SLC2A13: variants seen among roughly 807,000 people sequenced by gnomAD.
SLC2A13 encodes the protein proton myo-inositol cotransporter.
In SLC2A13, 32 loss-of-function variants were observed where a neutral mutation model predicts 64.4. That is an observed-to-expected ratio of 0.50 (90% CI 0.37 to 0.67). The LOEUF (loss-of-function observed/expected upper bound fraction) is 0.67. Ranked by LOEUF, SLC2A13 falls within the 30% of genes least tolerant of loss-of-function variation. The pLI is 0.00. For synonymous variants in SLC2A13, 338 were observed against 327.1 expected, an observed-to-expected ratio of 1.03 and a Z score of -0.36; for missense variants, 743 against 829.2, an observed-to-expected ratio of 0.90 and a Z score of 1.28.
Position 39,916,909 on chromosome 12 carries a change from G to C in SLC2A13, c.1034+34348C>G, listed in dbSNP as rs890982497. On this transcript the variant is annotated intron_variant, in intron 4 of 9. Transcript: ENST00000280871. ...TTTCACCATCTTCCCAAACATATAC[G>C]GTGGGGAAAACAGAGCTTCAGTCCT... Among the ~76,000 whole-genome samples, 9 of 151,936 alleles carry C rather than the reference G, an allele frequency of 5.9e-5. 1 individual carries two copies. The highest frequency in any genetic ancestry group is 1.3e-4 in the Admixed American group (2 of 15,248).
chr12:40,049,374 A>C (rs905015301), intron 1 of SLC2A13, among the ~76,000 whole-genome samples: 1 of 152,116 alleles, frequency 6.6e-6, no homozygotes. Flanking sequence ...TGGCAAAAAA[A>C]CAGCTTGTGT....
At chr12:39,880,604 A>G (rs956437801) in intron 4 of SLC2A13, among the ~76,000 whole-genome samples, 1 of 152,238 alleles carries the variant, frequency 6.6e-6, no homozygotes, top group Admixed American at 6.5e-5. Flanking sequence ...CATTTAATAT[A>G]TTAGAAAATA....
intron 6 of SLC2A13, among the ~76,000 whole-genome samples, chr12:39,847,220 T>G (rs1490450235): frequency 1.3e-5 from 2 of 152,128 alleles, no homozygotes; most frequent in Non-Finnish European, 2.9e-5. Flanking sequence ...CTCATAAATG[T>G]CTCATAAAAT....
In SLC2A13 at chr12:39,912,358, A is replaced by G. The variant is rs773132655; in HGVS notation, c.1034+38899T>C. On this transcript the variant is annotated intron_variant, in intron 4 of 9. Coordinates refer to ENST00000280871, the MANE Select transcript of SLC2A13 (RefSeq NM_052885.4). ...ACTATCAATTCTGGACAAGAAGGAAAACTACCATGGGTAGTCGGATTACTT... is the reference window on the plus strand; with the variant it reads ...ACTATCAATTCTGGACAAGAAGGAAGACTACCATGGGTAGTCGGATTACTT... Among the ~76,000 whole-genome samples, 116 of 152,062 alleles carry G rather than the reference A, an allele frequency of 7.6e-4. 1 individual carries two copies. The highest frequency in any genetic ancestry group is 1.3e-4 in the Admixed American group (2 of 15,264).
intron 3 of SLC2A13, among the ~76,000 whole-genome samples, chr12:39,957,485 T>C (rs1946336534): frequency 6.6e-6 from 1 of 152,330 alleles, no homozygotes; most frequent in South Asian, 2.1e-4. Flanking sequence ...ATTTTCTTCA[T>C]CATTTTCATG....
chr12:39,994,382 C>CAAA (rs367976830), intron 3 of SLC2A13, among the ~76,000 whole-genome samples: 2 of 82,264 alleles, frequency 2.4e-5, no homozygotes, highest in Non-Finnish European at 4.7e-5. Context: ...GACTCCATCT[C>CAAA]AAAAAAAAAA....
At chr12:40,046,561 A>G (rs1163882592) in intron 2 of SLC2A13, among the ~76,000 whole-genome samples, 1 of 152,150 alleles carries the variant, frequency 6.6e-6, no homozygotes, top group African/African-American at 2.4e-5. Flanking sequence ...CATTGCATTT[A>G]CAAGAAAAAC....
intron 3 of SLC2A13, among the ~76,000 whole-genome samples, chr12:40,027,058 C>T (rs528502817): frequency 7.4e-4 from 105 of 142,096 alleles, no homozygotes; most frequent in African/African-American, 2.7e-3. Context: ...CCAACCTGGG[C>T]AACAGAGTGA....
chr12:39,984,605 A>G (rs1946994371), intron 3 of SLC2A13, among the ~76,000 whole-genome samples: 1 of 152,180 alleles, frequency 6.6e-6, no homozygotes, highest in South Asian at 2.1e-4. Flanking sequence ...GATTACTAAT[A>G]TCCAGTGAAT....
chr12:39,946,772 C>T (rs1236177188), intron 4 of SLC2A13, among the ~76,000 whole-genome samples: 2 of 152,306 alleles, frequency 1.3e-5, no homozygotes, highest in East Asian at 3.9e-4. Flanking sequence ...GAAAATTTGC[C>T]CAAGGCTGTC....
At chr12:39,776,877 T>C (rs1468630683) in intron 7 of SLC2A13, among the ~76,000 whole-genome samples, 1 of 152,206 alleles carries the variant, frequency 6.6e-6, no homozygotes, top group Non-Finnish European at 1.5e-5. Flanking sequence ...GATCCTGATT[T>C]TGAATTAATA....
At position 40,013,954 on chromosome 12, in the gene SLC2A13, A is replaced by T. The variant is rs1262571630; in HGVS notation, c.925+14347T>A. Among the ~76,000 whole-genome samples the T allele has an allele frequency of 2.0e-5, 3 of 152,218 alleles. No individual in the cohort carries two copies. In the East Asian group the frequency reaches 5.8e-4, roughly 29 times the overall value. On this transcript the variant is annotated intron_variant, in intron 3 of 9. Coordinates refer to ENST00000280871, the MANE Select transcript of SLC2A13 (RefSeq NM_052885.4). The stretch of plus-strand genomic sequence containing the variant: ...CATAATTTCAAGAGAAATAAGGAGG[A>T]AATGCCTTCATATATATGTATATGT...
chr12:40,096,096 T>G (rs1206724320), intron 1 of SLC2A13, among the ~76,000 whole-genome samples: 3 of 151,522 alleles, frequency 2.0e-5, no homozygotes, highest in Admixed American at 6.6e-5. Context: ...ATTTTTTTTT[T>G]TTTTTGTACT....
At chr12:39,787,738 C>T (rs897960709) in intron 7 of SLC2A13, among the ~76,000 whole-genome samples, 3 of 152,128 alleles carry the variant, frequency 2.0e-5, no homozygotes, top group Non-Finnish European at 4.4e-5. Context: ...GATAAGGTGT[C>T]TGTTAATAAA....
At chr12:39,945,228 T>C (rs767906535) in intron 4 of SLC2A13, among the ~76,000 whole-genome samples, 2 of 152,214 alleles carry the variant, frequency 1.3e-5, no homozygotes, top group Non-Finnish European at 2.9e-5. Context: ...AGAAATCTGC[T>C]GTTCATCTGA....
chr12:39,979,905 G>A lies in SLC2A13; in HGVS notation c.926-28540C>T, dbSNP rs1164143830. On this transcript the variant is annotated intron_variant, in intron 3 of 9. Coordinates refer to ENST00000280871, the MANE Select transcript of SLC2A13 (RefSeq NM_052885.4). ...CCAAAGTTGAAATGAAGGAAAAAAT[G>A]TTAAGGGCAGCCAGAGAGAAAGGTC... Among the ~76,000 whole-genome samples the A allele has an allele frequency of 3.7e-5, 5 of 135,138 alleles. No individual in the cohort carries two copies. In the South Asian group the frequency reaches 1.4e-3, roughly 37 times the overall value. The allele number at this position is 135,138 out of a possible 152,430, so 88.7% of individuals were successfully genotyped here. A position where few individuals can be genotyped will look rare whatever the true frequency, so the allele number is the denominator to read the frequency against.
chr12:39,872,665 T>C (rs1944086920), intron 4 of SLC2A13, among the ~76,000 whole-genome samples: 1 of 152,236 alleles, frequency 6.6e-6, no homozygotes, highest in South Asian at 2.1e-4. Flanking sequence ...CAATGGAAGA[T>C]ATGTCTGGCA....
intron 5 of SLC2A13, among the ~76,000 whole-genome samples, chr12:39,865,347 GT>G (rs1384246603): frequency 1.3e-5 from 2 of 152,150 alleles, no homozygotes; most frequent in Non-Finnish European, 1.5e-5. Context: ...AACCTTTTTA[GT>G]TTAACAAATG....
intron 4 of SLC2A13, among the ~76,000 whole-genome samples, chr12:39,889,455 T>G (rs1453494755): frequency 6.6e-6 from 1 of 151,954 alleles, no homozygotes; most frequent in Non-Finnish European, 1.5e-5. Context: ...TATATGAATA[T>G]TTGCAAGGTA....
Sources: gnomAD v4.1 joint callset for allele counts (sites outside exome capture counted in the v4.1 genomes callset) on GRCh38, gnomAD v4.1.1 for gene constraint, MANE v1.5 for transcripts, NCBI Gene and HGNC (gene_info 2026-07-23, HGNC 2026-07-21) for gene names.